The following ZFAT variants were observed in gnomAD, a reference collection of about 807,000 sequenced individuals.
ZFAT encodes zinc finger protein ZFAT.
A neutral mutation model predicts 117.7 loss-of-function variants in ZFAT; 64 were observed. The observed-to-expected ratio is 0.54, with a 90% CI of 0.44 to 0.67. The LOEUF (loss-of-function observed/expected upper bound fraction) is 0.67. ZFAT is among the 30% of genes least tolerant of loss of function. The pLI, the probability that ZFAT is intolerant of heterozygous loss-of-function variation, is 0.00. For synonymous variants in ZFAT, 679 were observed against 615.0 expected (o/e 1.10, Z -1.54); for missense variants, 1,433 against 1,584.5 (o/e 0.90, Z 1.62).
chr8:134,579,133 G>A (rs1280287858), intron 10 of ZFAT, among the ~76,000 whole-genome samples: 5 of 152,164 alleles, frequency 3.3e-5, no homozygotes, highest in African/African-American at 4.8e-5. Context: ...TGTTGAGCAC[G>A]CTAAGCTTGG....
intron 11 of ZFAT, among the ~76,000 whole-genome samples, chr8:134,536,124 T>C (rs915401454): frequency 1.3e-5 from 2 of 152,160 alleles, no homozygotes; most frequent in Non-Finnish European, 2.9e-5. Flanking sequence ...AGAAGAAAAG[T>C]TGCCAAAATG....
At chr8:134,599,022 C>T (rs1227737992) in intron 7 of ZFAT, 4 of 152,216 alleles carry the variant, frequency 2.6e-5, no homozygotes, top group African/African-American at 7.2e-5. Context: ...CACTCCCTCC[C>T]GACTTCATAT....
chr8:134,561,071 T>C (rs901276503), intron 11 of ZFAT, among the ~76,000 whole-genome samples: 2 of 152,252 alleles, frequency 1.3e-5, no homozygotes, highest in Admixed American at 6.5e-5. Context: ...CAACGTTTTA[T>C]AGCTATTTAG....
chr8:134,542,334 T>C (rs986866394), intron 11 of ZFAT, among the ~76,000 whole-genome samples: 1 of 152,240 alleles, frequency 6.6e-6, no homozygotes, highest in East Asian at 1.9e-4. Flanking sequence ...TCAAAGGGTA[T>C]GTGTGCAGAT....
At chr8:134,544,737 C>T (rs761931852) in intron 11 of ZFAT, among the ~76,000 whole-genome samples, 1 of 151,832 alleles carries the variant, frequency 6.6e-6, no homozygotes, top group South Asian at 2.1e-4. Flanking sequence ...GGGGCTCAAC[C>T]TCATTAACAA....
intron 1 of ZFAT, among the ~76,000 whole-genome samples, chr8:134,673,742 A>T (rs1832665014): frequency 6.6e-6 from 1 of 152,208 alleles, no homozygotes; most frequent in Non-Finnish European, 1.5e-5. Flanking sequence ...GATTTGATCT[A>T]AAAAAGCACC....
the ZFAT span, among the ~76,000 whole-genome samples, chr8:134,790,066 C>T: frequency 6.6e-6 from 1 of 152,160 alleles, no homozygotes; most frequent in Non-Finnish European, 1.5e-5. Context: ...AATTTTCATA[C>T]TAAATGGTAG....
chr8:134,749,724 T>C, the ZFAT span, among the ~76,000 whole-genome samples: 1 of 152,240 alleles, frequency 6.6e-6, no homozygotes, highest in East Asian at 1.9e-4. Flanking sequence ...GTTCCATTAT[T>C]ATTTATTAAA....
chr8:134,776,326 C>A, the ZFAT span, among the ~76,000 whole-genome samples: 5 of 152,146 alleles, frequency 3.3e-5, no homozygotes, highest in Non-Finnish European at 7.4e-5. Context: ...TTCTTTGAGA[C>A]AGGGTCTTGC....
the ZFAT span, among the ~76,000 whole-genome samples, chr8:134,739,856 C>T: frequency 6.6e-6 from 1 of 152,214 alleles, no homozygotes; most frequent in Non-Finnish European, 1.5e-5. Context: ...TTTCTCTGGC[C>T]ACTGGAGACC....
chr8:134,602,477 C>T lies in ZFAT; in HGVS notation c.1242G>A (p.Lys414=), dbSNP rs1282934719. 2 of 1,613,882 alleles carry T rather than the reference C, an allele frequency of 1.2e-6. No individual in the cohort carries two copies. The highest frequency in any genetic ancestry group is 1.6e-4 in the Middle Eastern group (1 of 6,062). ...TATGGCGGTCACGGTCCAGCTCGTT[C>T]TTGAACTTGCGCTCACAGATGTGGC... ...YDCHICERKF[K]NELDRDRHML... The change falls in exon 6 of 16, where the codon AAG becomes AAA. Residue 414 remains lysine, a synonymous_variant. Coordinates refer to ENST00000377838, the MANE Select transcript of ZFAT (RefSeq NM_020863.4).
intron 11 of ZFAT, among the ~76,000 whole-genome samples, chr8:134,548,994 C>T (rs566809225): frequency 2.0e-5 from 3 of 152,324 alleles, no homozygotes; most frequent in African/African-American, 4.8e-5. Flanking sequence ...ACTGTGCCCA[C>T]GAGAAACTTC....
chr8:134,813,902 G>A, the ZFAT span, among the ~76,000 whole-genome samples: 1 of 151,586 alleles, frequency 6.6e-6, no homozygotes, highest in African/African-American at 2.4e-5. Context: ...ACAAAGGGAG[G>A]CTCAAGGGTA....
chr8:134,650,699 T>G (rs1475555986), intron 2 of ZFAT, among the ~76,000 whole-genome samples: 2 of 152,274 alleles, frequency 1.3e-5, no homozygotes, highest in Non-Finnish European at 2.9e-5. Flanking sequence ...CTACTGACAT[T>G]AGAAGAGACG....
chr8:134,795,657 T>A, the ZFAT span: 1 of 152,194 alleles, frequency 6.6e-6, no homozygotes, highest in African/African-American at 2.4e-5. Context: ...GGAGAACAGA[T>A]AATAGATTGG....
intron 1 of ZFAT, among the ~76,000 whole-genome samples, chr8:134,704,488 T>C (rs1302393825): frequency 1.3e-5 from 2 of 152,206 alleles, no homozygotes; most frequent in Non-Finnish European, 2.9e-5. Flanking sequence ...ACTATTTCTC[T>C]AAATCTGTCC....
chr8:134,545,751 G>T (rs974634667), intron 11 of ZFAT, among the ~76,000 whole-genome samples: 2 of 152,168 alleles, frequency 1.3e-5, no homozygotes, highest in Non-Finnish European at 2.9e-5. Context: ...CAGAGAAAGG[G>T]TGGGCTCAGG....
At chr8:134,628,175 G>A (rs182702084) in intron 3 of ZFAT, among the ~76,000 whole-genome samples, 175 of 152,284 alleles carry the variant, frequency 1.1e-3, no homozygotes, top group Middle Eastern at 6.8e-3. Flanking sequence ...ACAGGATGGG[G>A]CCCCGCTGGC....
chr8:134,634,021 A>G lies in ZFAT; in HGVS notation c.448+3440T>C, dbSNP rs1281702231. Reference sequence around the variant, plus strand: ...AGATTGCGCCACTGCACTCCAGCCTAGGCAACAAGAGCAAAACTCCATCTC... The same window carrying G: ...AGATTGCGCCACTGCACTCCAGCCTGGGCAACAAGAGCAAAACTCCATCTC... On this transcript the variant is annotated intron_variant, in intron 3 of 15. Coordinates refer to ENST00000377838, the MANE Select transcript of ZFAT (RefSeq NM_020863.4). Among the ~76,000 whole-genome samples, 8 of 152,002 alleles carry G rather than the reference A, an allele frequency of 5.3e-5. No homozygotes were observed. In the East Asian group the frequency reaches 1.5e-3, roughly 29 times the overall value.
Sources: gnomAD v4.1 joint callset for allele counts (sites outside exome capture counted in the v4.1 genomes callset) on GRCh38, gnomAD v4.1.1 for gene constraint, MANE v1.5 for transcripts, NCBI Gene and HGNC (gene_info 2026-07-23, HGNC 2026-07-21) for gene names.